Variants in SLC7A14 observed in about 807,000 individuals in gnomAD.
SLC7A14 encodes gamma-aminobutyric acid transporter SLC7A14.
A neutral mutation model predicts 60.2 loss-of-function variants in SLC7A14; 37 were observed. The ratio of observed to expected loss-of-function variants is 0.61; its 90% CI spans 0.47 to 0.81. The LOEUF is 0.81. Ranked by LOEUF, SLC7A14 falls within the 30% of genes least tolerant of loss-of-function variation. SLC7A14 has a pLI of 0.00. For synonymous variants in SLC7A14, 399 were observed against 395.8 expected (o/e 1.01, Z -0.10); for missense variants, 886 against 982.7 (o/e 0.90, Z 1.32).
At position 170,481,034 on chromosome 3, in the gene SLC7A14, G is replaced by A; in HGVS notation, c.1248C>T (p.Leu416=). 1 of 1,614,112 alleles carries A rather than the reference G, an allele frequency of 6.2e-7. No individual in the cohort carries two copies. The highest frequency in any genetic ancestry group is 8.5e-7 in the Non-Finnish European group (1 of 1,180,024). Residue 416 remains leucine (L), a synonymous_variant, in exon 7 of 8, where the codon CTC becomes CTT. Coordinates refer to ENST00000231706, the MANE Select transcript of SLC7A14 (RefSeq NM_020949.3). The stretch of plus-strand genomic sequence containing the variant: ...AGACAGAGACCAAGGTGTAGGCCAG[G>A]AGCGTGCCGATAGACATCATCTCTA... ...DLIEMMSIGT[L]LAYTLVSVCV... is the part of the protein sequence containing the mutation.
rs759765046 is a variant in SLC7A14, at chr3:170,480,474, A to G, written c.1808T>C (p.Leu603Pro). 52 of 1,614,008 alleles carry G rather than the reference A, an allele frequency of 3.2e-5. No individual in the cohort carries two copies. The highest frequency in any genetic ancestry group is 4.3e-5 in the Non-Finnish European group (51 of 1,179,986). ...CAGGGTGCTGATCAGCAGCACCATCAGAACAACCAGAAGGATGGCCCACCA... is the reference window on the plus strand; with the variant it reads ...CAGGGTGCTGATCAGCAGCACCATCGGAACAACCAGAAGGATGGCCCACCA... The part of the protein sequence containing the change: ...QSWWAILLVV[L>P]MVLLISTLVF... The change falls in exon 7 of 8, where the codon CTG becomes CCG. Residue 603 changes from leucine (L) to proline (P), a missense_variant. Leu to Pro is a moderately conservative substitution (Grantham distance 98). Transcript: ENST00000231706.
chr3:170,467,486 CGGTGGGGGCGGGG>C, intron 7 of SLC7A14, 109 bp from the exon 8 acceptor site: 1 of 64,132 alleles, frequency 1.6e-5, no homozygotes, highest in Non-Finnish European at 3.1e-5. Context: ...GGGTGGGGGG[CGGTGGGGGCGGGG>C]ATGTATTTTC....
chr3:170,532,906 T>A lies in SLC7A14; in HGVS notation c.-152-5818A>T, dbSNP rs1332979724. ...TGTGGAGAACGGCTTTCCTCTTTCC[T>A]GTTTTCCTTTATCTAAAGGGGCCTT... On this transcript the variant is annotated intron_variant, in intron 1 of 7. Transcript: ENST00000231706. The surrounding 1 kb of genome is among the most constrained non-coding windows in gnomAD (Gnocchi z 4.0). Among the ~76,000 whole-genome samples the A allele has an allele frequency of 6.6e-6, 1 of 152,200 alleles. No individual in the cohort carries two copies. Among genetic ancestry groups the A allele is most frequent in the East Asian group, 1.9e-4 (1 of 5,194 alleles).
chr3:170,538,422 G>A (rs1713913212), intron 1 of SLC7A14, among the ~76,000 whole-genome samples: 1 of 152,156 alleles, frequency 6.6e-6, no homozygotes, highest in Admixed American at 6.5e-5. Flanking sequence ...GTTTTTAAAA[G>A]AGTCTGCATT....
intron 2 of SLC7A14, among the ~76,000 whole-genome samples, chr3:170,513,110 T>G (rs867673115): frequency 3.3e-5 from 5 of 151,370 alleles, no homozygotes; most frequent in Admixed American, 1.3e-4. Flanking sequence ...CAATGGTGAG[T>G]TTTGAGCTAA....
In SLC7A14 at chr3:170,485,766, G is replaced by C. The variant is rs62293537; in HGVS notation, c.906+456C>G. On this transcript the variant is annotated intron_variant, in intron 5 of 7. Coordinates refer to ENST00000231706, the MANE Select transcript of SLC7A14 (RefSeq NM_020949.3). ...AGATTTAAGGGGAAGAGAGTTTGTA[G>C]AGGACAATGTATTCTCTCTCCCCGC... Among the ~76,000 whole-genome samples the C allele has an allele frequency of 3.1e-3, 477 of 152,298 alleles. 3 individuals carry two copies. Among genetic ancestry groups the C allele is most frequent in the Middle Eastern group, 0.024 (7 of 294 alleles).
intron 2 of SLC7A14, among the ~76,000 whole-genome samples, chr3:170,515,757 T>C (rs1400793792): frequency 6.6e-6 from 1 of 152,070 alleles, no homozygotes; most frequent in Non-Finnish European, 1.5e-5. Flanking sequence ...GAAACTGAGA[T>C]CAGGACATGT....
intron 1 of SLC7A14, among the ~76,000 whole-genome samples, chr3:170,553,100 G>A (rs2108306140): frequency 6.6e-6 from 1 of 152,276 alleles, no homozygotes; most frequent in African/African-American, 2.4e-5. Context: ...TTTGGGGGGA[G>A]TTTCATTCCG....
intron 1 of SLC7A14, among the ~76,000 whole-genome samples, chr3:170,533,581 G>C (rs1208115279): frequency 1.3e-5 from 2 of 152,142 alleles, no homozygotes; most frequent in African/African-American, 4.8e-5. Context: ...ATAGGCTGCA[G>C]CTTATCATGG....
chr3:170,495,489 C>T lies in SLC7A14; in HGVS notation c.759+3178G>A, dbSNP rs1395971319. ...GTCCTACAAGGTGTCCACCTCTGGC[C>T]CCCAGGCCTTTAGCAGCCGCTTTTA... On this transcript the variant is annotated intron_variant, in intron 4 of 7. Transcript: ENST00000231706. The T allele has an allele frequency of 4.4e-6, 4 of 901,194 alleles. No individual in the cohort carries two copies. The African/African-American group carries it at 6.6e-5, about 15-fold the overall frequency. The allele number at this position is 901,194 out of a possible 1,614,324, so 55.8% of individuals were successfully genotyped here.
intron 5 of SLC7A14, among the ~76,000 whole-genome samples, chr3:170,485,100 C>G (rs1711979957): frequency 6.6e-6 from 1 of 152,128 alleles, no homozygotes; most frequent in African/African-American, 2.4e-5. Context: ...CCCCGCAACC[C>G]CTCCCTCAAC....
Position 170,467,353 on chromosome 3 carries a change from C to A in SLC7A14, c.2018G>T (p.Gly673Val). ...GATTTCCAGGGTGCTGTTCCAGATG[C>A]CATATCCAAAATAAATGAGCAGACC... ...FVGLLIYFGY[G>V]IWNSTLEISA... Residue 673 changes from glycine to valine, a missense_variant, in exon 8 of 8, where the codon GGC (glycine) becomes GTC (valine). Physicochemically the swap from Gly to Val is moderately radical, Grantham distance 109 (BLOSUM62 -3). Coordinates refer to ENST00000231706, the MANE Select transcript of SLC7A14 (RefSeq NM_020949.3). 1 of 1,603,540 alleles carries A rather than the reference C, an allele frequency of 6.2e-7. No homozygotes were observed. Among genetic ancestry groups the A allele is most frequent in the Non-Finnish European group, 8.5e-7 (1 of 1,174,222 alleles).
At chr3:170,552,878 A>C (rs965194968) in intron 1 of SLC7A14, among the ~76,000 whole-genome samples, 14 of 152,196 alleles carry the variant, frequency 9.2e-5, no homozygotes, top group Admixed American at 8.5e-4. Context: ...AACATGACTT[A>C]TCAGCTTGAT....
At chr3:170,492,686 A>AT (rs992900319) in intron 4 of SLC7A14, among the ~76,000 whole-genome samples, 2 of 152,124 alleles carry the variant, frequency 1.3e-5, no homozygotes, top group African/African-American at 2.4e-5. Context: ...GTCAAAAGCA[A>AT]TGTCATTAGT....
intron 1 of SLC7A14, among the ~76,000 whole-genome samples, chr3:170,558,812 A>G (rs529610466): frequency 2.6e-5 from 4 of 152,346 alleles, no homozygotes; most frequent in Non-Finnish European, 5.9e-5. Context: ...TTTGCTGGCT[A>G]TAAATGTTAG....
At chr3:170,544,857 G>A (rs1714132026) in intron 1 of SLC7A14, among the ~76,000 whole-genome samples, 2 of 152,136 alleles carry the variant, frequency 1.3e-5, no homozygotes, top group Admixed American at 6.5e-5. Flanking sequence ...GCTGCTGTCA[G>A]AGCTGGCACA....
In SLC7A14 at chr3:170,550,787, G is replaced by A. The variant is rs143836921; in HGVS notation, c.-152-23699C>T. The stretch of plus-strand genomic sequence containing the variant: ...TCTGCCTGCCTAGGCCTCCCAAAGT[G>A]CTGGGATTACAGGCATGAGACACCG... On this transcript the variant is annotated intron_variant, in intron 1 of 7. Coordinates refer to ENST00000231706, the MANE Select transcript of SLC7A14 (RefSeq NM_020949.3). 4.0e-3 allele frequency among the ~76,000 whole-genome samples: 613 copies of A among 151,984 alleles called. 5 individuals carry two copies. Among genetic ancestry groups the A allele is most frequent in the African/African-American group, 0.014 (592 of 41,454 alleles).
At chr3:170,584,055 A>G (rs1374582132) in intron 1 of SLC7A14, among the ~76,000 whole-genome samples, 1 of 152,222 alleles carries the variant, frequency 6.6e-6, no homozygotes. Context: ...TCTGGAATCA[A>G]GTTTCTGTTT....
At chr3:170,569,217 T>G (rs1429713621) in intron 1 of SLC7A14, among the ~76,000 whole-genome samples, 6 of 152,136 alleles carry the variant, frequency 3.9e-5, no homozygotes, top group African/African-American at 1.4e-4. Flanking sequence ...GTTTTTAGCA[T>G]GAAGGGTTGT....
Sources: gnomAD v4.1 joint callset for allele counts (sites outside exome capture counted in the v4.1 genomes callset) on GRCh38, gnomAD v4.1.1 for gene constraint, Gnocchi (gnomAD v3.1) non-coding constraint, MANE v1.5 for transcripts, NCBI Gene and HGNC (gene_info 2026-07-23, HGNC 2026-07-21) for gene names.